SH3BGRL2: variants seen among roughly 807,000 people sequenced by gnomAD.
The protein encoded by SH3BGRL2 is SH3 domain-binding glutamic acid-rich-like protein 2.
Under a neutral mutation model 14.8 loss-of-function variants are expected in SH3BGRL2, and 21 were observed. The observed-to-expected ratio is 1.42, with a 90% confidence interval of 1.01 to 2.05. SH3BGRL2 has a LOEUF of 2.05. Ranked by LOEUF, SH3BGRL2 falls within the 30% of genes most tolerant of loss-of-function variation. The probability of loss-of-function intolerance (pLI) is 0.00; values close to 1 mark genes in which losing one functional copy is unlikely to be tolerated. For synonymous variants in SH3BGRL2, 50 were observed against 47.8 expected, an observed-to-expected ratio of 1.05 and a Z score of -0.19; for missense variants, 147 against 130.8, an observed-to-expected ratio of 1.12 and a Z score of -0.61.
intron 2 of SH3BGRL2, among the ~76,000 whole-genome samples, chr6:79,684,743 A>G (rs1770059032): frequency 6.6e-6 from 1 of 152,220 alleles, no homozygotes. Flanking sequence ...ATCTGTTTAG[A>G]AAACTAACTC....
intron 2 of SH3BGRL2, among the ~76,000 whole-genome samples, chr6:79,678,340 A>G (rs757145794): frequency 7.9e-5 from 12 of 152,056 alleles, no homozygotes; most frequent in African/African-American, 2.9e-4. Flanking sequence ...TACTTTCTCT[A>G]TATAAAATAT....
the SH3BGRL2 span, among the ~76,000 whole-genome samples, chr6:79,555,544 A>G: frequency 6.6e-6 from 1 of 152,260 alleles, no homozygotes; most frequent in Non-Finnish European, 1.5e-5. Flanking sequence ...CGGAGTCTCA[A>G]TCTGTCGCCA....
the SH3BGRL2 span, among the ~76,000 whole-genome samples, chr6:79,584,320 C>T: frequency 8.7e-3 from 1,331 of 152,224 alleles, 11 homozygotes; most frequent in South Asian, 0.028. Flanking sequence ...CTTCATGTAC[C>T]GGTGAGCATG....
chr6:79,629,258 T>C (rs1768780092), upstream of SH3BGRL2, among the ~76,000 whole-genome samples: 1 of 152,232 alleles, frequency 6.6e-6, no homozygotes, highest in Non-Finnish European at 1.5e-5. Context: ...TCAGCTTCTC[T>C]GATTCTCATG....
At chr6:79,683,441 C>A (rs541693569) in intron 2 of SH3BGRL2, among the ~76,000 whole-genome samples, 2 of 151,428 alleles carry the variant, frequency 1.3e-5, no homozygotes, top group African/African-American at 2.4e-5. Context: ...GTTTTCCAAC[C>A]TTTAGAAATG....
the SH3BGRL2 span, among the ~76,000 whole-genome samples, chr6:79,611,715 C>T: frequency 6.6e-6 from 1 of 152,096 alleles, no homozygotes; most frequent in Non-Finnish European, 1.5e-5. Context: ...CCTGGCCCTA[C>T]AGTATACAAC....
the SH3BGRL2 span, among the ~76,000 whole-genome samples, chr6:79,588,399 A>T: frequency 6.6e-6 from 1 of 151,822 alleles, no homozygotes; most frequent in Admixed American, 6.6e-5. Context: ...GTTGGTATGG[A>T]TTCATCTTGC....
At chr6:79,599,304 C>G in the SH3BGRL2 span, among the ~76,000 whole-genome samples, 1 of 151,912 alleles carries the variant, frequency 6.6e-6, no homozygotes, top group Admixed American at 6.6e-5. Flanking sequence ...CTTGTATACT[C>G]TATGACCCAG....
chr6:79,551,377 A>G, the SH3BGRL2 span, among the ~76,000 whole-genome samples: 2 of 152,222 alleles, frequency 1.3e-5, no homozygotes, highest in Non-Finnish European at 2.9e-5. Flanking sequence ...TTTTTGGTCA[A>G]GACTTCACTT....
intron 3 of SH3BGRL2, among the ~76,000 whole-genome samples, chr6:79,697,819 G>C (rs1241902100): frequency 1.3e-5 from 2 of 152,170 alleles, no homozygotes; most frequent in African/African-American, 4.8e-5. Flanking sequence ...AAAAAACTAG[G>C]ATGGAGTAGT....
chr6:79,640,974 C>T (rs1279651869), intron 1 of SH3BGRL2, among the ~76,000 whole-genome samples: 1 of 152,144 alleles, frequency 6.6e-6, no homozygotes, highest in African/African-American at 2.4e-5. Context: ...GCTATTGCTA[C>T]ATACTGATCT....
the SH3BGRL2 span, among the ~76,000 whole-genome samples, chr6:79,563,293 A>T: frequency 4.0e-5 from 6 of 151,248 alleles, no homozygotes; most frequent in East Asian, 1.2e-3. Context: ...TTGTATTTTT[A>T]ATAGAGACGG....
intron 1 of SH3BGRL2, among the ~76,000 whole-genome samples, chr6:79,659,142 A>C (rs891540746): frequency 6.6e-6 from 1 of 152,130 alleles, no homozygotes; most frequent in Admixed American, 6.5e-5. Flanking sequence ...CTTTAGTTTA[A>C]TTAGATCCCA....
At chr6:79,555,179 A>G in the SH3BGRL2 span, among the ~76,000 whole-genome samples, 4 of 152,112 alleles carry the variant, frequency 2.6e-5, no homozygotes, top group East Asian at 1.9e-4. Context: ...GCCACATGCA[A>G]TGGTTCACAC....
intron 1 of SH3BGRL2, among the ~76,000 whole-genome samples, chr6:79,652,351 A>T (rs912337696): frequency 1.3e-5 from 2 of 152,210 alleles, no homozygotes; most frequent in Admixed American, 1.3e-4. Context: ...AACTATAGTA[A>T]TGAAAACTTC....
chr6:79,648,274 A>ATATATATATATAT (rs1769185876), intron 1 of SH3BGRL2, among the ~76,000 whole-genome samples: 1 of 130,518 alleles, frequency 7.7e-6, no homozygotes, highest in South Asian at 2.6e-4. Flanking sequence ...ATATATATAT[A>ATATATATATATAT]TATATATATT....
the SH3BGRL2 span, among the ~76,000 whole-genome samples, chr6:79,605,215 A>G: frequency 6.6e-6 from 1 of 152,220 alleles, no homozygotes; most frequent in South Asian, 2.1e-4. Context: ...TATGCGGAGT[A>G]ACCACATGCT....
the SH3BGRL2 span, among the ~76,000 whole-genome samples, chr6:79,538,200 G>A: frequency 3.5e-4 from 53 of 151,838 alleles, no homozygotes; most frequent in Non-Finnish European, 4.9e-4. Flanking sequence ...CGAGCCATCT[G>A]ATTATCAAGG....
the SH3BGRL2 span, among the ~76,000 whole-genome samples, chr6:79,564,479 A>C: frequency 2.0e-5 from 3 of 152,166 alleles, no homozygotes; most frequent in Admixed American, 1.3e-4. Flanking sequence ...TTAGAAAATT[A>C]ATGCTAAGAA....
Sources: allele counts gnomAD v4.1 joint callset (sites outside exome capture counted in the v4.1 genomes callset), GRCh38; gene constraint gnomAD v4.1.1; transcripts MANE v1.5; gene names NCBI Gene and HGNC (gene_info 2026-07-23, HGNC 2026-07-21).